SWT1: variants seen among roughly 807,000 people sequenced by gnomAD.
The protein encoded by SWT1 is transcriptional protein SWT1.
SWT1 carries 33 observed loss-of-function variants against 107.3 expected under a neutral mutation model. That is an observed-to-expected ratio of 0.31 (90% CI 0.23 to 0.41). SWT1 has a LOEUF of 0.41. Among genes scored for constraint, SWT1 ranks in the 10% least tolerant of loss-of-function variants. The pLI is 1.00. For synonymous variants in SWT1, 345 were observed against 348.3 expected (o/e 0.99, Z 0.11); for missense variants, 898 against 1,028.9 (o/e 0.87, Z 1.74).
chr1:185,193,703 G>A (rs1657150978), intron 10 of SWT1, among the ~76,000 whole-genome samples: 1 of 152,140 alleles, frequency 6.6e-6, no homozygotes, highest in African/African-American at 2.4e-5. Flanking sequence ...CTGACCTCGT[G>A]ATCCTCCCGC....
chr1:185,256,674 A>G (rs1037635425), intron 16 of SWT1, among the ~76,000 whole-genome samples: 2 of 148,764 alleles, frequency 1.3e-5, no homozygotes, highest in African/African-American at 2.5e-5. Flanking sequence ...TTCTAGTTAT[A>G]CATTCTTTTA....
chr1:185,240,924 G>C (rs183958477), intron 16 of SWT1, among the ~76,000 whole-genome samples: 103 of 152,044 alleles, frequency 6.8e-4, no homozygotes, highest in Non-Finnish European at 1.3e-3. Context: ...CATTATTTCT[G>C]GGAAAAGAAA....
At chr1:185,229,127 A>G (rs1047472848) in intron 15 of SWT1, among the ~76,000 whole-genome samples, 1 of 152,188 alleles carries the variant, frequency 6.6e-6, no homozygotes, top group Non-Finnish European at 1.5e-5. Context: ...TGTTGAGAGC[A>G]GGCTGTGAAG....
intron 10 of SWT1, among the ~76,000 whole-genome samples, chr1:185,193,701 G>A (rs770383720): frequency 2.6e-5 from 4 of 152,024 alleles, no homozygotes; most frequent in East Asian, 1.9e-4. Flanking sequence ...TCCTGACCTC[G>A]TGATCCTCCC....
intron 16 of SWT1, among the ~76,000 whole-genome samples, chr1:185,243,093 A>G (rs897920315): frequency 1.3e-5 from 2 of 152,148 alleles, no homozygotes; most frequent in Non-Finnish European, 2.9e-5. Context: ...ATACTCTAGG[A>G]TACATTCTAA....
In SWT1 at chr1:185,290,811, T is replaced by C; in HGVS notation, c.*8T>C. ...CTCAACTATAGGATATAAGTACTGA[T>C]TTGTAACTTTAAAGGAATTGCATTT... is the stretch of plus-strand genomic sequence containing the variant. On this transcript the variant is annotated 3_prime_UTR_variant, in exon 19 of 19. Transcript: ENST00000367500. 6.3e-7 allele frequency: 1 copy of C among 1,596,722 alleles called. No homozygotes were observed. Among genetic ancestry groups the C allele is most frequent in the Non-Finnish European group, 8.5e-7 (1 of 1,171,410 alleles).
At chr1:185,206,234 G>A (rs1292945926) in intron 12 of SWT1, among the ~76,000 whole-genome samples, 2 of 152,146 alleles carry the variant, frequency 1.3e-5, no homozygotes, top group Non-Finnish European at 2.9e-5. Context: ...TAGGATTACA[G>A]GCATGAGCCA....
At chr1:185,234,482 T>G (rs1231336354) in intron 16 of SWT1, among the ~76,000 whole-genome samples, 1 of 152,208 alleles carries the variant, frequency 6.6e-6, no homozygotes, top group Non-Finnish European at 1.5e-5. Context: ...CCTCCATCCC[T>G]TTATTTTGAG....
chr1:185,192,686 C>T (rs1336504915), intron 10 of SWT1, among the ~76,000 whole-genome samples: 1 of 149,314 alleles, frequency 6.7e-6, no homozygotes, highest in Non-Finnish European at 1.5e-5. Context: ...CTCACTCTGT[C>T]ACCCAGGCTG....
rs139971921 is a variant in SWT1, at chr1:185,199,901, C to T, written c.1524-2753C>T. ...TACACCAATCAAATGTAGGTTTGGT[C>T]TTTTCACATAGTTCCATATTTCCTG... On this transcript the variant is annotated intron_variant, in intron 10 of 18. Coordinates refer to ENST00000367500, the MANE Select transcript of SWT1 (RefSeq NM_017673.7). Among the ~76,000 whole-genome samples the T allele has an allele frequency of 5.9e-3, 900 of 152,292 alleles. 34 individuals carry two copies. In the East Asian group the frequency reaches 0.096, roughly 16 times the overall value.
At chr1:185,209,023 C>G (rs1658556552) in intron 13 of SWT1, among the ~76,000 whole-genome samples, 1 of 152,022 alleles carries the variant, frequency 6.6e-6, no homozygotes, top group Admixed American at 6.6e-5. Flanking sequence ...TGCTGTGGTC[C>G]TAAAGAATGT....
At chr1:185,176,349 C>CA (rs1396870622) in intron 5 of SWT1, among the ~76,000 whole-genome samples, 1 of 97,648 alleles carries the variant, frequency 1.0e-5, no homozygotes, top group Non-Finnish European at 2.0e-5. Context: ...AACATTTAAA[C>CA]AGACCTAAAG....
chr1:185,162,966 T>C (rs985950578), intron 2 of SWT1, among the ~76,000 whole-genome samples: 4 of 151,710 alleles, frequency 2.6e-5, no homozygotes, highest in African/African-American at 9.7e-5. Context: ...TCTCTAAAAG[T>C]AGTAATAATA....
At chr1:185,175,234 T>C (rs888901702) in intron 5 of SWT1, 121 bp downstream of exon 5, 23 of 957,176 alleles carry the variant, frequency 2.4e-5, no homozygotes, top group Non-Finnish European at 3.1e-5. Context: ...GTTTGTTTTT[T>C]GTTTTTGAGA....
intron 1 of SWT1, among the ~76,000 whole-genome samples, chr1:185,158,474 A>C (rs988926250): frequency 1.3e-5 from 2 of 151,146 alleles, no homozygotes; most frequent in African/African-American, 4.9e-5. Context: ...TGCTAACTAT[A>C]TCTGTGCATC....
chr1:185,165,463 A>G (rs868848274), intron 2 of SWT1, among the ~76,000 whole-genome samples: 2 of 152,176 alleles, frequency 1.3e-5, no homozygotes, highest in Non-Finnish European at 2.9e-5. Flanking sequence ...GAGTCTGACT[A>G]TCTCCTTTAC....
chr1:185,286,434 C>T (rs1326704961), intron 18 of SWT1, among the ~76,000 whole-genome samples: 1 of 152,114 alleles, frequency 6.6e-6, no homozygotes, highest in Non-Finnish European at 1.5e-5. Flanking sequence ...CCATGTTGGC[C>T]AGGCTGGTCT....
intron 3 of SWT1, among the ~76,000 whole-genome samples, chr1:185,168,089 C>T (rs574767508): frequency 6.6e-6 from 1 of 152,052 alleles, no homozygotes; most frequent in African/African-American, 2.4e-5. Flanking sequence ...AGGATGGTAG[C>T]GTAGAGAGAG....
chr1:185,160,937 G>T lies in SWT1; in HGVS notation c.84+12G>T, dbSNP rs1452156528. ...ATTTTGGTGAAAAAGTAAGAATTTT[G>T]ATTTACTGACCTAGAGATACATTTC... On this transcript the variant is annotated intron_variant, in intron 2 of 18. Transcript: ENST00000367500. 1.9e-6 allele frequency: 3 copies of T among 1,585,840 alleles called. No individual in the cohort carries two copies. Among genetic ancestry groups the T allele is most frequent in the East Asian group, 2.2e-5 (1 of 44,666 alleles).
Sources: allele counts gnomAD v4.1 joint callset (sites outside exome capture counted in the v4.1 genomes callset), GRCh38; gene constraint gnomAD v4.1.1; transcripts MANE v1.5; gene names NCBI Gene and HGNC (gene_info 2026-07-23, HGNC 2026-07-21).